Variants in ASB18 observed in about 807,000 individuals in gnomAD.
The protein encoded by ASB18 is ankyrin repeat and SOCS box protein 18.
A neutral mutation model predicts 33.4 loss-of-function variants in ASB18; 33 were observed. The observed-to-expected ratio is 0.99, with a 90% CI of 0.75 to 1.32. The LOEUF (loss-of-function observed/expected upper bound fraction) is 1.32. Ranked by LOEUF, ASB18 falls within the 40% of genes most tolerant of loss-of-function variation. The pLI is 0.00. For synonymous variants in ASB18, 295 were observed against 307.6 expected (o/e 0.96, Z 0.43); for missense variants, 694 against 655.5 (o/e 1.06, Z -0.64).
Position 236,237,829 on chromosome 2 carries a change from G to A in ASB18, c.456C>T (p.Gly152=). The A allele has an allele frequency of 7.3e-7, 1 of 1,374,698 alleles. No individual in the cohort carries two copies. The highest frequency in any genetic ancestry group is 9.3e-7 in the Non-Finnish European group (1 of 1,075,208). 85.2% of individuals were successfully genotyped at this position (1,374,698 alleles called of 1,614,324 possible). A position where few individuals can be genotyped will look rare whatever the true frequency, so the allele number is the denominator to read the frequency against. The part of the protein sequence containing the change: ...RGADPDASPG[G]RGALHEACLG... ...GGCAGGCCTCGTGCAGGGCGCCGCG[G>A]CCGCCGGGGCTGGCGTCTGGGTCTG... The change falls in exon 3 of 6, where the codon GGC becomes GGT. Residue 152 remains glycine, a synonymous_variant. Coordinates refer to ENST00000409749, the MANE Select transcript of ASB18 (RefSeq NM_212556.4). This position sits in a 1 kb window ranked among gnomAD's most constrained non-coding sequence, Gnocchi z 6.2.
rs2060708184 is a variant in ASB18, at chr2:236,259,455, G to A, written c.205+4686C>T. 8.6e-6 allele frequency: 4 copies of A among 462,990 alleles called. No homozygotes were observed. The highest frequency in any genetic ancestry group is 4.7e-5 in the Admixed American group (2 of 42,370). 28.7% of individuals were successfully genotyped at this position (462,990 alleles called of 1,614,324 possible). A position where few individuals can be genotyped will look rare whatever the true frequency, so the allele number is the denominator to read the frequency against. On this transcript the variant is annotated intron_variant, in intron 1 of 5. Coordinates refer to ENST00000409749, the MANE Select transcript of ASB18 (RefSeq NM_212556.4). This position sits in a 1 kb window ranked among gnomAD's most constrained non-coding sequence, Gnocchi z 4.4. ...GGTATATAAAAAGCAGCCTAGCAAG[G>A]CCATGCACTTCCGTAATGGATGGAG...
chr2:236,194,178 C>A lies in ASB18; in HGVS notation c.*694G>T, dbSNP rs1483442465. Among the ~76,000 whole-genome samples, 2 of 152,156 alleles carry A rather than the reference C, an allele frequency of 1.3e-5. No individual in the cohort carries two copies. Among genetic ancestry groups the A allele is most frequent in the African/African-American group, 4.8e-5 (2 of 41,418 alleles). ...AATAAATGATGCGGTATGAGAGGGC[C>A]TAGCAAGCCTGCCACATTGGTGACT... is the stretch of plus-strand genomic sequence containing the variant. On this transcript the variant is annotated 3_prime_UTR_variant, in exon 6 of 6. Transcript: ENST00000409749. This position sits in a 1 kb window ranked among gnomAD's most constrained non-coding sequence, Gnocchi z 4.5.
In ASB18 at chr2:236,241,222, CAG is replaced by C. The variant is rs2060619463; in HGVS notation, c.328+56_328+57del. On this transcript the variant is annotated intron_variant, in intron 2 of 5. Coordinates refer to ENST00000409749, the MANE Select transcript of ASB18 (RefSeq NM_212556.4). This position sits in a 1 kb window ranked among gnomAD's most constrained non-coding sequence, Gnocchi z 4.2. Reference sequence around the variant, plus strand: ...TCTACACACGGGAGCCTTACACTCCCAGAGAGTATTAGTAGCCCCTTAAAAAT... The same window carrying C: ...TCTACACACGGGAGCCTTACACTCCCAGAGTATTAGTAGCCCCTTAAAAAT... 1.3e-6 allele frequency: 2 copies of C among 1,577,008 alleles called. No individual in the cohort carries two copies. Among genetic ancestry groups the C allele is most frequent in the Non-Finnish European group, 8.7e-7 (1 of 1,150,596 alleles).
intron 3 of ASB18, among the ~76,000 whole-genome samples, chr2:236,218,570 C>A (rs6728180): frequency 0.43 from 65,711 of 151,822 alleles, 16,152 homozygotes; most frequent in African/African-American, 0.69. Context: ...AGGCCAAGGC[C>A]GGCGGATTGC....
chr2:236,206,249 C>T (rs2060432307), intron 4 of ASB18, among the ~76,000 whole-genome samples: 1 of 150,436 alleles, frequency 6.6e-6, no homozygotes, highest in African/African-American at 2.4e-5. Context: ...TTATAGTGAA[C>T]ACTGAGGTTG....
rs1230889734 is a variant in ASB18, at chr2:236,213,459, T to C, written c.1101+903A>G. Among the ~76,000 whole-genome samples the C allele has an allele frequency of 6.6e-6, 1 of 152,206 alleles. No homozygotes were observed. The highest frequency in any genetic ancestry group is 1.5e-5 in the Non-Finnish European group (1 of 68,040). On this transcript the variant is annotated intron_variant, in intron 4 of 5. Coordinates refer to ENST00000409749, the MANE Select transcript of ASB18 (RefSeq NM_212556.4). The surrounding 1 kb of genome is among the most constrained non-coding windows in gnomAD (Gnocchi z 4.8). ...TAATCAGGCCAAAATATGTCTTATG[T>C]CTATGAGTGATGAGTCTTGGTTGAT... is the stretch of plus-strand genomic sequence containing the variant.
rs1006177793 is a variant in ASB18, at chr2:236,253,062, A to G, written c.205+11079T>C. ...TGGTTAGGTGGCGTCAAGGATCCCC[A>G]CCGTCCTCGCCAGCCTGGCTTTCTA... On this transcript the variant is annotated intron_variant, in intron 1 of 5. Transcript: ENST00000409749. This position sits in a 1 kb window ranked among gnomAD's most constrained non-coding sequence, Gnocchi z 5.4. Among the ~76,000 whole-genome samples, 1 of 152,090 alleles carries G rather than the reference A, an allele frequency of 6.6e-6. No individual in the cohort carries two copies. Among genetic ancestry groups the G allele is most frequent in the African/African-American group, 2.4e-5 (1 of 41,412 alleles).
chr2:236,224,194 T>G (rs868038220), intron 3 of ASB18, among the ~76,000 whole-genome samples: 1 of 147,308 alleles, frequency 6.8e-6, no homozygotes, highest in African/African-American at 2.5e-5. Flanking sequence ...GGTTTTTTTT[T>G]TTTTTTTTTT....
chr2:236,223,714 T>C lies in ASB18; in HGVS notation c.597-8848A>G, dbSNP rs990890973. Among the ~76,000 whole-genome samples, 1 of 152,218 alleles carries C rather than the reference T, an allele frequency of 6.6e-6. No homozygotes were observed. Among genetic ancestry groups the C allele is most frequent in the African/African-American group, 2.4e-5 (1 of 41,466 alleles). The stretch of plus-strand genomic sequence containing the variant: ...TACCACCAGTCAGTCATAACCCCCG[T>C]AGGCAACCACTGTGCTGATTTTTCT... On this transcript the variant is annotated intron_variant, in intron 3 of 5. Transcript: ENST00000409749. The surrounding 1 kb of genome is among the most constrained non-coding windows in gnomAD (Gnocchi z 4.6).
rs2060458489 is a variant in ASB18 at position 236,211,514 on chromosome 2, T to C, written c.1101+2848A>G. 6.6e-6 allele frequency among the ~76,000 whole-genome samples: 1 copy of C among 152,216 alleles called. No individual in the cohort carries two copies. The highest frequency in any genetic ancestry group is 1.5e-5 in the Non-Finnish European group (1 of 68,032). ...TTTGCCTCGGTAATTCTGCGCTCCA[T>C]GGGTGTCTCTTTACATCTATTCACA... On this transcript the variant is annotated intron_variant, in intron 4 of 5. Coordinates refer to ENST00000409749, the MANE Select transcript of ASB18 (RefSeq NM_212556.4). The surrounding 1 kb of genome is among the most constrained non-coding windows in gnomAD (Gnocchi z 5.0).
In ASB18 at chr2:236,260,980, GAGAC is replaced by G. The variant is rs1178221504; in HGVS notation, c.205+3157_205+3160del. 6.6e-6 allele frequency among the ~76,000 whole-genome samples: 1 copy of G among 152,148 alleles called. No individual in the cohort carries two copies. The highest frequency in any genetic ancestry group is 2.4e-5 in the African/African-American group (1 of 41,420). On this transcript the variant is annotated intron_variant, in intron 1 of 5. Transcript: ENST00000409749. The surrounding 1 kb of genome is among the most constrained non-coding windows in gnomAD (Gnocchi z 5.1). ...GTTAATAAATGGAGACGTTGGTCTCGAGACAGACAGTGAGTTTCCTGAGGTTACA... is the reference window on the plus strand; with the variant it reads ...GTTAATAAATGGAGACGTTGGTCTCGAGACAGTGAGTTTCCTGAGGTTACA...
chr2:236,230,183 T>C (rs2060557971), intron 3 of ASB18, among the ~76,000 whole-genome samples: 2 of 152,070 alleles, frequency 1.3e-5, no homozygotes, highest in South Asian at 2.1e-4. Flanking sequence ...AGTAGAGTTA[T>C]GGGTCTAAAG....
Position 236,222,906 on chromosome 2 carries a change from G to GGA in ASB18, c.597-8041_597-8040insTC, listed in dbSNP as rs2060519125. 6.6e-6 allele frequency among the ~76,000 whole-genome samples: 1 copy of GGA among 152,208 alleles called. No individual in the cohort carries two copies. The highest frequency in any genetic ancestry group is 1.5e-5 in the Non-Finnish European group (1 of 68,042). On this transcript the variant is annotated intron_variant, in intron 3 of 5. Transcript: ENST00000409749. The surrounding 1 kb of genome is among the most constrained non-coding windows in gnomAD (Gnocchi z 5.5). Reference sequence around the variant, plus strand: ...GTGGTGGCGCACACCTGTAGTCCCAGCTACTTGGGAAGCTGAAGCAGGAGA... The same window carrying GGA: ...GTGGTGGCGCACACCTGTAGTCCCAGGACTACTTGGGAAGCTGAAGCAGGAGA...
rs527568706 is a variant in ASB18, at chr2:236,220,471, C to T, written c.597-5605G>A. On this transcript the variant is annotated intron_variant, in intron 3 of 5. Coordinates refer to ENST00000409749, the MANE Select transcript of ASB18 (RefSeq NM_212556.4). This position sits in a 1 kb window ranked among gnomAD's most constrained non-coding sequence, Gnocchi z 5.1. ...GTCTCCCCTGCCTCCTGATCACCCTCTTTATTCAAAGCCCTGGAAATGCTG... is the reference window on the plus strand; with the variant it reads ...GTCTCCCCTGCCTCCTGATCACCCTTTTTATTCAAAGCCCTGGAAATGCTG... 1.4e-3 allele frequency among the ~76,000 whole-genome samples: 211 copies of T among 152,270 alleles called. No individual in the cohort carries two copies. The highest frequency in any genetic ancestry group is 1.4e-3 in the Non-Finnish European group (97 of 68,022).
chr2:236,254,037 T>C (rs1452872507), intron 1 of ASB18: 1 of 152,102 alleles, frequency 6.6e-6, no homozygotes, highest in Non-Finnish European at 1.5e-5. Flanking sequence ...ACTTTTTCCA[T>C]AAAGTGCCAG....
Position 236,249,763 on chromosome 2 carries a change from G to T in ASB18, c.206-8361C>A, listed in dbSNP as rs1301810605. On this transcript the variant is annotated intron_variant, in intron 1 of 5. Transcript: ENST00000409749. This position sits in a 1 kb window ranked among gnomAD's most constrained non-coding sequence, Gnocchi z 4.6. ...GTGGTCTTTTGCTGCAGACCATGAA[G>T]TGAATTTAGGAAAAGGAAGGCAAGA... 3 of 152,154 alleles carry T rather than the reference G, an allele frequency of 2.0e-5. No individual in the cohort carries two copies. The highest frequency in any genetic ancestry group is 4.4e-5 in the Non-Finnish European group (3 of 68,042). 9.4% of individuals were successfully genotyped at this position (152,154 alleles called of 1,614,324 possible).
rs2060395367 is a variant in ASB18 at position 236,200,431 on chromosome 2, A to G, written c.1102-4046T>C. 6.6e-6 allele frequency among the ~76,000 whole-genome samples: 1 copy of G among 152,228 alleles called. No homozygotes were observed. Among genetic ancestry groups the G allele is most frequent in the African/African-American group, 2.4e-5 (1 of 41,458 alleles). ...AGGAACTATTTAACCAGATGTGGGT[A>G]CAAGGAAACTGACAAGGGTCAGGGC... On this transcript the variant is annotated intron_variant, in intron 4 of 5. Transcript: ENST00000409749. The surrounding 1 kb of genome is among the most constrained non-coding windows in gnomAD (Gnocchi z 4.2).
Position 236,245,818 on chromosome 2 carries a change from A to G in ASB18, c.206-4416T>C, listed in dbSNP as rs1252751177. Among the ~76,000 whole-genome samples, 1 of 152,234 alleles carries G rather than the reference A, an allele frequency of 6.6e-6. No homozygotes were observed. Among genetic ancestry groups the G allele is most frequent in the Non-Finnish European group, 1.5e-5 (1 of 68,036 alleles). On this transcript the variant is annotated intron_variant, in intron 1 of 5. Transcript: ENST00000409749. This position sits in a 1 kb window ranked among gnomAD's most constrained non-coding sequence, Gnocchi z 4.7. ...CACAGAGAAGGTCTTCAATGCCAAC[A>G]GTGAAGAGAACGAATGGACTGGACT... is the stretch of plus-strand genomic sequence containing the variant.
rs538116805 is a variant in ASB18 at position 236,211,578 on chromosome 2, T to A, written c.1101+2784A>T. Among the ~76,000 whole-genome samples, 3 of 152,354 alleles carry A rather than the reference T, an allele frequency of 2.0e-5. No homozygotes were observed. The highest frequency in any genetic ancestry group is 4.1e-4 in the South Asian group (2 of 4,834). ...CCACGGACGGCTTGCCCTGTGACAG[T>A]GCTGGTGACTCTACGCTCGGCTCGC... On this transcript the variant is annotated intron_variant, in intron 4 of 5. Coordinates refer to ENST00000409749, the MANE Select transcript of ASB18 (RefSeq NM_212556.4). The surrounding 1 kb of genome is among the most constrained non-coding windows in gnomAD (Gnocchi z 5.0).
Sources: allele counts gnomAD v4.1 joint callset (sites outside exome capture counted in the v4.1 genomes callset), GRCh38; gene constraint gnomAD v4.1.1; non-coding constraint Gnocchi (gnomAD v3.1); transcripts MANE v1.5; gene names NCBI Gene and HGNC (gene_info 2026-07-23, HGNC 2026-07-21).